The following CAMTA1 variants were observed in gnomAD, a reference collection of about 807,000 sequenced individuals.
CAMTA1 encodes the protein calmodulin-binding transcription activator 1.
A neutral mutation model predicts 170.9 loss-of-function variants in CAMTA1; 27 were observed. The observed-to-expected ratio is 0.16, with a 90% CI of 0.12 to 0.22. The LOEUF (loss-of-function observed/expected upper bound fraction) is 0.22. CAMTA1 is among the 10% of genes least tolerant of loss of function. CAMTA1 has a pLI of 1.00. For synonymous variants in CAMTA1, 833 were observed against 891.5 expected (o/e 0.93, Z 1.17); for missense variants, 1,619 against 2,217.2 (o/e 0.73, Z 5.42).
rs745648620 is a variant in CAMTA1, at chr1:7,665,247, C to T, written c.2652+48C>T. ...ACCTGTCACCTCCCCTCCCACCCACCTCGCCAGCCCCTGCGCCACCCTGCA... is the reference window on the plus strand; with the variant it reads ...ACCTGTCACCTCCCCTCCCACCCACTTCGCCAGCCCCTGCGCCACCCTGCA... On this transcript the variant is annotated intron_variant, in intron 9 of 22. Transcript: ENST00000303635. The surrounding 1 kb of genome is among the most constrained non-coding windows in gnomAD (Gnocchi z 4.3). 1 of 1,407,430 alleles carries T rather than the reference C, an allele frequency of 7.1e-7. No homozygotes were observed. The highest frequency in any genetic ancestry group is 1.8e-5 in the South Asian group (1 of 56,918). 87.2% of individuals were successfully genotyped at this position (1,407,430 alleles called of 1,614,324 possible).
chr1:7,009,386 G>T (rs74486704), intron 3 of CAMTA1, among the ~76,000 whole-genome samples: 5,287 of 152,282 alleles, frequency 0.035, 287 homozygotes, highest in African/African-American at 0.12. Context: ...TCCTGGGGCA[G>T]TGTGGTTCCA....
chr1:7,548,824 G>T (rs374544420), intron 6 of CAMTA1, among the ~76,000 whole-genome samples: 21 of 100,952 alleles, frequency 2.1e-4, no homozygotes, highest in Middle Eastern at 0.011. Flanking sequence ...GCACCCCTTA[G>T]GGGTGGAGGT....
chr1:6,883,189 C>T (rs76753801), intron 3 of CAMTA1, among the ~76,000 whole-genome samples: 2,142 of 152,214 alleles, frequency 0.014, 47 homozygotes, highest in African/African-American at 0.048. Context: ...CCACCGCGCC[C>T]GGACAAGGAA....
intron 6 of CAMTA1, among the ~76,000 whole-genome samples, chr1:7,485,537 T>C (rs1475841789): frequency 6.6e-6 from 1 of 152,220 alleles, no homozygotes; most frequent in Non-Finnish European, 1.5e-5. Context: ...GAGTGCAGCA[T>C]GCTTGGGGTT....
intron 4 of CAMTA1, among the ~76,000 whole-genome samples, chr1:7,237,661 C>T (rs374307436): frequency 9.1e-4 from 139 of 152,326 alleles, no homozygotes; most frequent in African/African-American, 3.1e-3. Context: ...CCCCTCTGAT[C>T]TTCAGTTATT....
intron 6 of CAMTA1, among the ~76,000 whole-genome samples, chr1:7,637,544 T>C (rs2095723034): frequency 6.6e-6 from 1 of 151,926 alleles, no homozygotes; most frequent in African/African-American, 2.4e-5. Flanking sequence ...ACCCCCTCCA[T>C]GCAAAGGGCA....
At chr1:7,298,328 C>A (rs573677790) in intron 5 of CAMTA1, among the ~76,000 whole-genome samples, 5 of 1,428 alleles carry the variant, frequency 3.5e-3, no homozygotes, top group South Asian at 0.038. Flanking sequence ...ATCCACCCCC[C>A]ACCCCGCAGG....
chr1:7,555,532 C>A (rs547068179), intron 6 of CAMTA1, among the ~76,000 whole-genome samples: 121 of 152,270 alleles, frequency 7.9e-4, no homozygotes, highest in Non-Finnish European at 1.5e-3. Context: ...CCAGGGCAGA[C>A]AGAGCCAGGG....
At chr1:7,499,319 CA>C (rs1557822365) in intron 6 of CAMTA1, among the ~76,000 whole-genome samples, 2 of 53,762 alleles carry the variant, frequency 3.7e-5, no homozygotes, top group African/African-American at 1.7e-4. Flanking sequence ...AGTGTGTGTG[CA>C]TGTGTGTACA....
intron 5 of CAMTA1, among the ~76,000 whole-genome samples, chr1:7,461,838 A>G (rs1297772458): frequency 6.6e-6 from 1 of 152,262 alleles, no homozygotes; most frequent in Non-Finnish European, 1.5e-5. Context: ...TCAGGACCAG[A>G]AAACAAACAT....
chr1:7,247,812 C>A (rs1441261515), intron 4 of CAMTA1, among the ~76,000 whole-genome samples: 1 of 152,090 alleles, frequency 6.6e-6, no homozygotes, highest in African/African-American at 2.4e-5. Flanking sequence ...ACATCGTTGG[C>A]CCCACATGCA....
chr1:6,911,957 C>G (rs1283837813), intron 3 of CAMTA1, among the ~76,000 whole-genome samples: 1 of 152,220 alleles, frequency 6.6e-6, no homozygotes, highest in Non-Finnish European at 1.5e-5. Context: ...CCTTTGTCTT[C>G]CTGAATCCCT....
intron 4 of CAMTA1, among the ~76,000 whole-genome samples, chr1:7,191,081 G>T (rs1237515488): frequency 2.0e-5 from 3 of 152,168 alleles, no homozygotes; most frequent in East Asian, 3.8e-4. Flanking sequence ...GACCATTAGG[G>T]TCTCGCATTT....
chr1:7,106,255 G>GGAGAGA (rs140851676), intron 4 of CAMTA1, among the ~76,000 whole-genome samples: 4 of 149,694 alleles, frequency 2.7e-5, no homozygotes, highest in African/African-American at 9.9e-5. Flanking sequence ...AGGGAGGAAG[G>GGAGAGA]GAGAGAGAGA....
intron 5 of CAMTA1, among the ~76,000 whole-genome samples, chr1:7,446,291 G>A (rs1225662940): frequency 6.6e-6 from 1 of 151,772 alleles, no homozygotes; most frequent in Admixed American, 6.6e-5. Flanking sequence ...AGTCAGGTTT[G>A]AAAAGTTCCT....
chr1:7,098,094 A>G (rs1573007706), intron 4 of CAMTA1, among the ~76,000 whole-genome samples: 1 of 121,070 alleles, frequency 8.3e-6, no homozygotes, highest in Admixed American at 8.4e-5. Context: ...GCTGGGGTGG[A>G]CGAATTGTGT....
chr1:7,094,660 G>A (rs1210243716), intron 4 of CAMTA1, among the ~76,000 whole-genome samples: 5 of 151,992 alleles, frequency 3.3e-5, no homozygotes, highest in African/African-American at 1.2e-4. Context: ...AGAAGGCCCC[G>A]GGAGCCCCAG....
rs76693776 is a variant in CAMTA1 at position 7,524,731 on chromosome 1, T to G, written c.510+56830T>G. 2.7e-3 allele frequency among the ~76,000 whole-genome samples: 411 copies of G among 152,312 alleles called. 5 individuals are homozygous for G. In the East Asian group the frequency reaches 0.029, roughly 11 times the overall value. The stretch of plus-strand genomic sequence containing the variant: ...TCAGAAACTTTGGGACCCACCAGTT[T>G]GTACCATACCCAGGACTGCTTTTCA... On this transcript the variant is annotated intron_variant, in intron 6 of 22. Coordinates refer to ENST00000303635, the MANE Select transcript of CAMTA1 (RefSeq NM_015215.4).
At chr1:6,793,739 A>T (rs1641778932) in intron 1 of CAMTA1, among the ~76,000 whole-genome samples, 1 of 152,182 alleles carries the variant, frequency 6.6e-6, no homozygotes, top group Non-Finnish European at 1.5e-5. Flanking sequence ...CTTTCTTTTT[A>T]CAAGTTTTGA....
Sources: allele counts gnomAD v4.1 joint callset (sites outside exome capture counted in the v4.1 genomes callset), GRCh38; gene constraint gnomAD v4.1.1; non-coding constraint Gnocchi (gnomAD v3.1); transcripts MANE v1.5; gene names NCBI Gene and HGNC (gene_info 2026-07-23, HGNC 2026-07-21).